The following WWOX variants were observed in gnomAD, a reference collection of about 807,000 sequenced individuals.
WWOX encodes the protein WW domain containing oxidoreductase, also known as WW domain-containing oxidoreductase.
WWOX carries 69 observed loss-of-function variants against 46.2 expected under a neutral mutation model. That is an observed-to-expected ratio of 1.49 (90% CI 1.23 to 1.82). The LOEUF is 1.82. Among genes scored for constraint, WWOX ranks in the 40% most tolerant of loss-of-function variants. The pLI, the probability that WWOX is intolerant of heterozygous loss-of-function variation, is 0.00. For synonymous variants in WWOX, 359 were observed against 202.6 expected (o/e 1.77, Z -6.56); for missense variants, 919 against 542.6 (o/e 1.69, Z -6.89).
chr16:78,107,347 G>T (rs942599311), intron 1 of WWOX, among the ~76,000 whole-genome samples: 2 of 152,180 alleles, frequency 1.3e-5, no homozygotes, highest in African/African-American at 4.8e-5. Flanking sequence ...GAAATGAAAT[G>T]TTAAGTTTGA....
In WWOX at chr16:78,927,819, C is replaced by A. The variant is rs191891696; in HGVS notation, c.1057-283789C>A. ...TGAATAAATGTCTTTCTTTGGAAGG[C>A]AGATTAAGTAGGGATTTCTCTTACT... On this transcript the variant is annotated intron_variant, in intron 8 of 8. Transcript: ENST00000566780. Among the ~76,000 whole-genome samples the A allele has an allele frequency of 7.2e-5, 11 of 152,214 alleles. No homozygotes were observed. The East Asian group carries it at 2.1e-3, about 29-fold the overall frequency.
intron 4 of WWOX, among the ~76,000 whole-genome samples, chr16:78,116,413 C>T (rs2032792787): frequency 6.6e-6 from 1 of 152,120 alleles, no homozygotes; most frequent in African/African-American, 2.4e-5. Context: ...TGAAATCTAC[C>T]AGGTTGCCAT....
At chr16:78,956,816 G>A (rs769811940) in intron 8 of WWOX, among the ~76,000 whole-genome samples, 5 of 152,196 alleles carry the variant, frequency 3.3e-5, no homozygotes, top group Non-Finnish European at 7.3e-5. Flanking sequence ...AGGAGGTCAC[G>A]AAGGCATGCT....
intron 6 of WWOX, among the ~76,000 whole-genome samples, chr16:78,406,630 T>C (rs1323464365): frequency 6.7e-6 from 1 of 149,652 alleles, no homozygotes; most frequent in Admixed American, 6.7e-5. Flanking sequence ...ATATACATTT[T>C]TTTTTTTTTT....
intron 8 of WWOX, among the ~76,000 whole-genome samples, chr16:78,940,020 A>C (rs950776555): frequency 9.9e-5 from 15 of 152,234 alleles, no homozygotes; most frequent in African/African-American, 3.4e-4. Flanking sequence ...GCATACAAAA[A>C]CTGCAGGCCT....
intron 4 of WWOX, among the ~76,000 whole-genome samples, chr16:78,145,121 C>T (rs2034153982): frequency 6.6e-6 from 1 of 152,128 alleles, no homozygotes; most frequent in Non-Finnish European, 1.5e-5. Flanking sequence ...AAGGTGTTGG[C>T]AGGGTTGGTT....
chr16:79,031,295 G>T (rs1198231998), intron 8 of WWOX, among the ~76,000 whole-genome samples: 1 of 152,060 alleles, frequency 6.6e-6, no homozygotes. Flanking sequence ...GTGACTCCCT[G>T]GGGAGCACTG....
intron 8 of WWOX, among the ~76,000 whole-genome samples, chr16:79,022,010 G>C (rs6564633): frequency 0.021 from 3,184 of 152,310 alleles, 113 homozygotes; most frequent in African/African-American, 0.073. Flanking sequence ...GATAGGGATT[G>C]ATATTGACCA....
chr16:78,499,894 A>G (rs1273818688), intron 8 of WWOX, among the ~76,000 whole-genome samples: 3 of 152,166 alleles, frequency 2.0e-5, no homozygotes, highest in African/African-American at 2.4e-5. Context: ...TGTGCTATAA[A>G]TAGACATTCC....
intron 8 of WWOX, among the ~76,000 whole-genome samples, chr16:78,648,603 C>A (rs1052081940): frequency 6.6e-6 from 1 of 152,158 alleles, no homozygotes; most frequent in East Asian, 1.9e-4. Flanking sequence ...CCACTTCCAA[C>A]GCAGGACCAA....
intron 5 of WWOX, among the ~76,000 whole-genome samples, chr16:78,351,675 G>C (rs914885059): frequency 1.3e-5 from 2 of 152,122 alleles, no homozygotes; most frequent in African/African-American, 2.4e-5. Flanking sequence ...GTTAGTTTTT[G>C]AGACAGAGTC....
At chr16:78,724,335 C>G (rs72799094) in intron 8 of WWOX, among the ~76,000 whole-genome samples, 27,192 of 152,110 alleles carry the variant, frequency 0.18, 2,795 homozygotes, top group Non-Finnish European at 0.22. Flanking sequence ...AAAAAAGAGA[C>G]AGTTTTCATT....
In WWOX at chr16:78,118,880, T is replaced by A. The variant is rs556193852; in HGVS notation, c.409+3726T>A. On this transcript the variant is annotated intron_variant, in intron 4 of 8. Coordinates refer to ENST00000566780, the MANE Select transcript of WWOX (RefSeq NM_016373.4). ...TTGCCTGAAACCCCCGCCTTTTTTT[T>A]AGGCAGCTGCAAGGATTAGAATGTT... 307 of 152,294 alleles carry A rather than the reference T, an allele frequency of 2.0e-3. 1 individual carries two copies. The highest frequency in any genetic ancestry group is 7.2e-3 in the African/African-American group (299 of 41,546). 9.4% of individuals were successfully genotyped at this position (152,294 alleles called of 1,614,324 possible).
chr16:78,474,031 A>T (rs1597135725), intron 8 of WWOX, among the ~76,000 whole-genome samples: 1 of 152,242 alleles, frequency 6.6e-6, no homozygotes, highest in South Asian at 2.1e-4. Context: ...AGAGATTTAA[A>T]TGTGATAATA....
At chr16:78,950,344 G>C (rs989846018) in intron 8 of WWOX, among the ~76,000 whole-genome samples, 6 of 152,162 alleles carry the variant, frequency 3.9e-5, no homozygotes, top group African/African-American at 1.4e-4. Flanking sequence ...GAGAAGTTGA[G>C]TACTTTTCAG....
intron 5 of WWOX, among the ~76,000 whole-genome samples, chr16:78,274,871 C>G (rs1055346273): frequency 2.6e-5 from 4 of 152,168 alleles, no homozygotes; most frequent in Non-Finnish European, 5.9e-5. Context: ...CATGGAAGTA[C>G]ACTGAGTCTC....
chr16:78,718,691 TAGTG>T (rs2142345997), intron 8 of WWOX, among the ~76,000 whole-genome samples: 1 of 152,152 alleles, frequency 6.6e-6, no homozygotes, highest in South Asian at 2.1e-4. Flanking sequence ...CTGGCCAACA[TAGTG>T]AGACACTACC....
At chr16:78,217,460 G>T (rs78970059) in intron 5 of WWOX, among the ~76,000 whole-genome samples, 1 of 152,152 alleles carries the variant, frequency 6.6e-6, no homozygotes, top group African/African-American at 2.4e-5. Context: ...CCAAATAATC[G>T]TATGAAGTGG....
At chr16:79,156,235 C>G (rs913195002) in intron 8 of WWOX, among the ~76,000 whole-genome samples, 1 of 152,188 alleles carries the variant, frequency 6.6e-6, no homozygotes. Flanking sequence ...AATTTCAGCT[C>G]ACTGCAACCT....
Sources: gnomAD v4.1 joint callset for allele counts (sites outside exome capture counted in the v4.1 genomes callset) on GRCh38, gnomAD v4.1.1 for gene constraint, MANE v1.5 for transcripts, NCBI Gene and HGNC (gene_info 2026-07-23, HGNC 2026-07-21) for gene names.